Variants in EPHA6 observed in about 807,000 individuals in gnomAD.
The protein encoded by EPHA6 is EPH receptor A6.
A neutral mutation model predicts 112.0 loss-of-function variants in EPHA6; 50 were observed. The ratio of observed to expected loss-of-function variants is 0.45; its 90% CI spans 0.36 to 0.56. The LOEUF (loss-of-function observed/expected upper bound fraction) is 0.56, where lower values mean the gene tolerates loss of function less well. EPHA6 is among the 20% of genes least tolerant of loss of function. EPHA6 has a pLI of 0.00. For synonymous variants in EPHA6, 529 were observed against 490.7 expected (o/e 1.08, Z -1.03); for missense variants, 1,280 against 1,417.4 (o/e 0.90, Z 1.56).
chr3:97,022,324 C>CGAA (rs1240908702), intron 3 of EPHA6, among the ~76,000 whole-genome samples: 2 of 152,166 alleles, frequency 1.3e-5, no homozygotes, highest in Admixed American at 6.5e-5. Flanking sequence ...TGAAACTTCT[C>CGAA]CCCTTTTTCT....
chr3:97,434,233 A>G (rs1293307935), intron 6 of EPHA6, among the ~76,000 whole-genome samples: 2 of 152,180 alleles, frequency 1.3e-5, no homozygotes, highest in Non-Finnish European at 2.9e-5. Flanking sequence ...TAGACTTCCT[A>G]GGTTCAAATC....
At chr3:97,407,347 AACACACACACAC>A (rs34259097) in intron 6 of EPHA6, among the ~76,000 whole-genome samples, 1 of 147,370 alleles carries the variant, frequency 6.8e-6, no homozygotes, top group South Asian at 2.2e-4. Context: ...ACTGAAATTA[AACACACACACAC>A]ACACACACAC....
At chr3:97,562,197 C>T (rs556638335) in intron 11 of EPHA6, among the ~76,000 whole-genome samples, 62 of 152,202 alleles carry the variant, frequency 4.1e-4, no homozygotes, top group African/African-American at 1.2e-3. Flanking sequence ...GTTATTATTT[C>T]GGAAAACTAC....
intron 5 of EPHA6, among the ~76,000 whole-genome samples, chr3:97,391,699 C>T (rs2086408882): frequency 6.6e-6 from 1 of 151,810 alleles, no homozygotes; most frequent in Non-Finnish European, 1.5e-5. Flanking sequence ...TCTAGGAATT[C>T]AGACATAAAA....
At chr3:96,865,004 G>C (rs1576178503) in intron 1 of EPHA6, among the ~76,000 whole-genome samples, 1 of 151,990 alleles carries the variant, frequency 6.6e-6, no homozygotes, top group East Asian at 1.9e-4. Context: ...GGGGAAGTAG[G>C]TAAAAATGTA....
At chr3:97,269,191 T>C (rs951702733) in intron 5 of EPHA6, among the ~76,000 whole-genome samples, 1 of 152,198 alleles carries the variant, frequency 6.6e-6, no homozygotes, top group Non-Finnish European at 1.5e-5. Context: ...AAGCTAAGTA[T>C]TGCGGAGGAC....
chr3:97,374,536 A>G (rs1240243786), intron 5 of EPHA6, among the ~76,000 whole-genome samples: 1 of 152,094 alleles, frequency 6.6e-6, no homozygotes, highest in Non-Finnish European at 1.5e-5. Context: ...GGTTTGTTAT[A>G]AGGGTATATT....
intron 3 of EPHA6, 126 bp from the exon 4 acceptor site, chr3:97,226,133 GTCTTC>G (rs2078348092): frequency 1.3e-5 from 8 of 606,484 alleles, no homozygotes; most frequent in Non-Finnish European, 2.1e-5. Context: ...TAATATAGAT[GTCTTC>G]TCTATGTATG....
chr3:97,173,998 C>T (rs1185585703), intron 3 of EPHA6, among the ~76,000 whole-genome samples: 1 of 150,736 alleles, frequency 6.6e-6, no homozygotes, highest in African/African-American at 2.4e-5. Context: ...TTTTTTTTAC[C>T]CATTAACCAT....
chr3:96,892,572 G>T (rs2038029421), intron 2 of EPHA6, among the ~76,000 whole-genome samples: 1 of 151,884 alleles, frequency 6.6e-6, no homozygotes, highest in Admixed American at 6.6e-5. Context: ...ATATCATCGG[G>T]ACTCAGATAT....
intron 13 of EPHA6, among the ~76,000 whole-genome samples, chr3:97,629,635 T>C (rs2093887058): frequency 6.6e-6 from 1 of 152,058 alleles, no homozygotes; most frequent in South Asian, 2.1e-4. Context: ...TCTATGTATT[T>C]TTCCTGAACT....
chr3:97,518,428 G>A (rs569680604), intron 10 of EPHA6, among the ~76,000 whole-genome samples: 37 of 151,912 alleles, frequency 2.4e-4, no homozygotes, highest in Admixed American at 7.9e-4. Flanking sequence ...TAAACATGGC[G>A]GTTCAGGTAT....
At chr3:97,245,001 TA>T (rs1232127267) in intron 5 of EPHA6, among the ~76,000 whole-genome samples, 2 of 152,024 alleles carry the variant, frequency 1.3e-5, no homozygotes, top group African/African-American at 4.8e-5. Flanking sequence ...CAGAGATTTT[TA>T]AAACTCCTTT....
chr3:96,942,361 A>C (rs2041011069), intron 2 of EPHA6, among the ~76,000 whole-genome samples: 1 of 152,190 alleles, frequency 6.6e-6, no homozygotes. Context: ...GTTTGATCTC[A>C]GACTGCTGTG....
At chr3:97,164,761 C>T (rs748427925) in intron 3 of EPHA6, among the ~76,000 whole-genome samples, 22 of 152,108 alleles carry the variant, frequency 1.4e-4, no homozygotes, top group Admixed American at 9.2e-4. Flanking sequence ...TTTCTCTCTT[C>T]GCAACCAATT....
chr3:97,333,329 G>A (rs2082891140), intron 5 of EPHA6, among the ~76,000 whole-genome samples: 1 of 151,862 alleles, frequency 6.6e-6, no homozygotes, highest in Non-Finnish European at 1.5e-5. Context: ...CTACCACTTT[G>A]ATGAACTCAC....
intron 9 of EPHA6, among the ~76,000 whole-genome samples, chr3:97,480,783 C>T (rs2091511689): frequency 1.3e-5 from 2 of 152,074 alleles, no homozygotes; most frequent in Admixed American, 1.3e-4. Flanking sequence ...GGCAGAGGGG[C>T]TCCTCACTTC....
chr3:96,944,237 A>G lies in EPHA6; in HGVS notation c.451-43093A>G, dbSNP rs528556466. On this transcript the variant is annotated intron_variant, in intron 2 of 17. Transcript: ENST00000389672. ...TGTCTACTTTAAAACTTAATGTTAA[A>G]CCCTCATCTTACATGATTTATCAGC... Among the ~76,000 whole-genome samples, 156 of 152,210 alleles carry G rather than the reference A, an allele frequency of 1.0e-3. 1 individual carries two copies. Among genetic ancestry groups the G allele is most frequent in the African/African-American group, 3.5e-3 (147 of 41,524 alleles).
At chr3:97,673,760 T>C (rs1359658520) in intron 14 of EPHA6, among the ~76,000 whole-genome samples, 1 of 152,234 alleles carries the variant, frequency 6.6e-6, no homozygotes, top group Non-Finnish European at 1.5e-5. Flanking sequence ...TCTGAGGGCA[T>C]TGAGGAATGG....
Sources: gnomAD v4.1 joint callset for allele counts (sites outside exome capture counted in the v4.1 genomes callset) on GRCh38, gnomAD v4.1.1 for gene constraint, MANE v1.5 for transcripts, NCBI Gene and HGNC (gene_info 2026-07-23, HGNC 2026-07-21) for gene names.